The following EXOC6B variants were observed in gnomAD, a reference collection of about 807,000 sequenced individuals.
The protein encoded by EXOC6B is SEC15 homolog B.
EXOC6B carries 54 observed loss-of-function variants against 113.5 expected under a neutral mutation model. That is an observed-to-expected ratio of 0.48 (90% CI 0.38 to 0.60). EXOC6B has a LOEUF of 0.60. Among genes scored for constraint, EXOC6B ranks in the 20% least tolerant of loss-of-function variants. EXOC6B has a pLI of 0.00. For missense variants in EXOC6B, 797 were observed against 977.5 expected (o/e 0.82, Z 2.46); for synonymous variants, 357 against 339.0 (o/e 1.05, Z -0.58).
In EXOC6B at chr2:72,667,763, C is replaced by T. The variant is rs1223918697; in HGVS notation, c.669+50340G>A. 5.3e-5 allele frequency among the ~76,000 whole-genome samples: 8 copies of T among 152,232 alleles called. No homozygotes were observed. The East Asian group carries it at 1.4e-3, about 26-fold the overall frequency. The stretch of plus-strand genomic sequence containing the variant: ...GAATTAAATGTAAGACCTCAAACTA[C>T]AAAATTCTAGAAGAAATTCTAGGAA... On this transcript the variant is annotated intron_variant, in intron 6 of 21. Coordinates refer to ENST00000272427, the MANE Select transcript of EXOC6B (RefSeq NM_015189.3).
At chr2:72,328,566 GCA>G (rs561440947) in intron 20 of EXOC6B, among the ~76,000 whole-genome samples, 147 of 152,204 alleles carry the variant, frequency 9.7e-4, no homozygotes, top group African/African-American at 3.3e-3. Context: ...CCTGGGCTAG[GCA>G]CAGTGTTGAA....
chr2:72,495,301 C>T, intron 15 of EXOC6B, 129 bp downstream of exon 15: 2 of 552,454 alleles, frequency 3.6e-6, no homozygotes, highest in Non-Finnish European at 6.4e-6. Context: ...CAGTGCCATG[C>T]AGTGAAAAGC....
intron 11 of EXOC6B, among the ~76,000 whole-genome samples, chr2:72,501,665 C>G (rs1022084680): frequency 6.6e-6 from 1 of 151,272 alleles, no homozygotes; most frequent in African/African-American, 2.4e-5. Context: ...TAAATTATAT[C>G]CTTTTTGCCC....
In EXOC6B at chr2:72,290,321, C is replaced by T. The variant is rs1466559793; in HGVS notation, c.2196+44626G>A. 2.6e-5 allele frequency among the ~76,000 whole-genome samples: 4 copies of T among 152,054 alleles called. No individual in the cohort carries two copies. The East Asian group carries it at 5.8e-4, about 22-fold the overall frequency. Reference sequence around the variant, plus strand: ...TCTTGTTTCGGTTCCTCCAGAGAACCATGACTAATACACTCACATATTACC... The same window carrying T: ...TCTTGTTTCGGTTCCTCCAGAGAACTATGACTAATACACTCACATATTACC... On this transcript the variant is annotated intron_variant, in intron 20 of 21. Coordinates refer to ENST00000272427, the MANE Select transcript of EXOC6B (RefSeq NM_015189.3).
chr2:72,470,118 T>A (rs887991510), intron 17 of EXOC6B, among the ~76,000 whole-genome samples: 1 of 152,164 alleles, frequency 6.6e-6, no homozygotes, highest in Non-Finnish European at 1.5e-5. Flanking sequence ...CTGTAAAAGA[T>A]GACACTGATA....
intron 6 of EXOC6B, among the ~76,000 whole-genome samples, chr2:72,602,883 T>C (rs1313384031): frequency 6.6e-6 from 1 of 152,126 alleles, no homozygotes; most frequent in African/African-American, 2.4e-5. Context: ...CATCAATGTC[T>C]AAAAATGACA....
chr2:72,401,267 G>C (rs1440571729), intron 18 of EXOC6B, among the ~76,000 whole-genome samples: 1 of 150,338 alleles, frequency 6.7e-6, no homozygotes, highest in East Asian at 2.0e-4. Flanking sequence ...TTTAAGACCA[G>C]CCTGGCCAGT....
At chr2:72,222,289 G>GT (rs1680922968) in intron 20 of EXOC6B, among the ~76,000 whole-genome samples, 1 of 152,210 alleles carries the variant, frequency 6.6e-6, no homozygotes, top group African/African-American at 2.4e-5. Flanking sequence ...AGTTCAAAGG[G>GT]TTGGCTCTGT....
intron 6 of EXOC6B, among the ~76,000 whole-genome samples, chr2:72,625,887 G>A (rs1251180879): frequency 6.6e-6 from 1 of 152,094 alleles, no homozygotes; most frequent in Non-Finnish European, 1.5e-5. Context: ...TGAATTTACT[G>A]TGGTTTTTTA....
intron 20 of EXOC6B, among the ~76,000 whole-genome samples, chr2:72,316,273 A>T (rs1177346467): frequency 6.6e-6 from 1 of 152,234 alleles, no homozygotes; most frequent in East Asian, 1.9e-4. Context: ...CTGTTGAAGC[A>T]GTAAGAGTGA....
rs1679777131 is a variant in EXOC6B, at chr2:72,718,406, C to T, written c.465-99G>A. ...GTTTTCACTGTGCATTAACACAAAT[C>T]CAGCATGAAGTTTTAATGAGAACAT... is the stretch of plus-strand genomic sequence containing the variant. On this transcript the variant is annotated intron_variant, in intron 5 of 21. Coordinates refer to ENST00000272427, the MANE Select transcript of EXOC6B (RefSeq NM_015189.3). 4 of 804,904 alleles carry T rather than the reference C, an allele frequency of 5.0e-6. No individual in the cohort carries two copies. In the South Asian group the frequency reaches 9.6e-5, roughly 19 times the overall value. 49.9% of individuals were successfully genotyped at this position (804,904 alleles called of 1,614,324 possible).
At chr2:72,705,302 A>G (rs1228905854) in intron 6 of EXOC6B, among the ~76,000 whole-genome samples, 1 of 152,160 alleles carries the variant, frequency 6.6e-6, no homozygotes, top group Non-Finnish European at 1.5e-5. Flanking sequence ...ACTCTCAATA[A>G]ATTAGGTATT....
At chr2:72,658,693 C>T (rs902913912) in intron 6 of EXOC6B, among the ~76,000 whole-genome samples, 4 of 151,922 alleles carry the variant, frequency 2.6e-5, no homozygotes, top group South Asian at 2.1e-4. Flanking sequence ...TTCTAGTAAG[C>T]GTATATACTT....
At chr2:72,252,170 G>A (rs960158062) in intron 20 of EXOC6B, among the ~76,000 whole-genome samples, 1 of 152,128 alleles carries the variant, frequency 6.6e-6, no homozygotes, top group Non-Finnish European at 1.5e-5. Context: ...AAGGGAAGAT[G>A]GGCATTGGAG....
intron 1 of EXOC6B, among the ~76,000 whole-genome samples, chr2:72,772,428 G>T (rs917939568): frequency 1.3e-5 from 2 of 152,128 alleles, no homozygotes; most frequent in African/African-American, 4.8e-5. Flanking sequence ...ACAGAAACAG[G>T]TTCTAGGCCC....
chr2:72,580,564 T>C (rs1705159438), intron 6 of EXOC6B, among the ~76,000 whole-genome samples: 1 of 152,146 alleles, frequency 6.6e-6, no homozygotes. Context: ...ACATTTCAAG[T>C]GTTATGTTTC....
intron 1 of EXOC6B, among the ~76,000 whole-genome samples, chr2:72,779,594 C>G (rs1683909439): frequency 1.3e-5 from 2 of 152,072 alleles, no homozygotes; most frequent in Admixed American, 1.3e-4. Context: ...TGGTCAGACC[C>G]CAAGCCCCAT....
chr2:72,802,083 G>A (rs961382502), intron 1 of EXOC6B, among the ~76,000 whole-genome samples: 1 of 152,150 alleles, frequency 6.6e-6, no homozygotes, highest in African/African-American at 2.4e-5. Context: ...CCAGCACTTT[G>A]GGAGGCCAAG....
In EXOC6B at chr2:72,582,268, T is replaced by G. The variant is rs111423141; in HGVS notation, c.670-6600A>C. Among the ~76,000 whole-genome samples the G allele has an allele frequency of 1.4e-4, 22 of 152,064 alleles. 2 individuals are homozygous for G. The highest frequency in any genetic ancestry group is 4.6e-4 in the African/African-American group (19 of 41,474). On this transcript the variant is annotated intron_variant, in intron 6 of 21. Coordinates refer to ENST00000272427, the MANE Select transcript of EXOC6B (RefSeq NM_015189.3). Reference sequence around the variant, plus strand: ...TATGCCTGGCTGTAATCCCAGCACTTTGGGAGGCCAAGATGGGCTGACTGC... The same window carrying G: ...TATGCCTGGCTGTAATCCCAGCACTGTGGGAGGCCAAGATGGGCTGACTGC...
Sources: gnomAD v4.1 joint callset for allele counts (sites outside exome capture counted in the v4.1 genomes callset) on GRCh38, gnomAD v4.1.1 for gene constraint, MANE v1.5 for transcripts, NCBI Gene and HGNC (gene_info 2026-07-23, HGNC 2026-07-21) for gene names.